The following CCDC141 variants were observed in gnomAD, a reference collection of about 807,000 sequenced individuals.
CCDC141 encodes coiled-coil domain containing 141.
In CCDC141, 168 loss-of-function variants were observed where a neutral mutation model predicts 181.0. That is an observed-to-expected ratio of 0.93 (90% confidence interval 0.82 to 1.05). The LOEUF is 1.05. CCDC141 is among the 50% of genes least tolerant of loss of function. CCDC141 has a pLI of 0.00. For missense variants in CCDC141, 1,902 were observed against 1,788.5 expected, an observed-to-expected ratio of 1.06 and a Z score of -1.14; for synonymous variants, 666 against 642.3, an observed-to-expected ratio of 1.04 and a Z score of -0.56.
rs149294487 is a variant in CCDC141, at chr2:178,878,063, C to T, written c.1800G>A (p.Lys600=). 1.4e-5 allele frequency: 23 copies of T among 1,613,858 alleles called. No individual in the cohort carries two copies. Among genetic ancestry groups the T allele is most frequent in the Non-Finnish European group, 1.7e-5 (20 of 1,179,884 alleles). ...PQKEQDDAKA[K]HCSDSAEKQW... is the part of the protein sequence containing the mutation. The stretch of plus-strand genomic sequence containing the variant: ...GCTTCTCAGCCGAGTCAGAACAATG[C>T]TTGGCTTTAGCATCATCCTGCTCCT... The change falls in exon 12 of 24, where the codon AAG becomes AAA. Residue 600 remains lysine (K), a synonymous_variant. Transcript: ENST00000443758.
chr2:178,996,228 C>T (rs1296399272), intron 2 of CCDC141, among the ~76,000 whole-genome samples: 2 of 151,914 alleles, frequency 1.3e-5, no homozygotes, highest in African/African-American at 4.8e-5. Flanking sequence ...CAGGCATGCA[C>T]CACCATGCCT....
chr2:178,954,152 A>C (rs1160078460), intron 5 of CCDC141, among the ~76,000 whole-genome samples: 1 of 152,204 alleles, frequency 6.6e-6, no homozygotes, highest in Admixed American at 6.5e-5. Flanking sequence ...AGAGACCATG[A>C]ATAGCTTAGT....
chr2:179,019,731 T>C (rs1188531505), intron 2 of CCDC141, among the ~76,000 whole-genome samples: 2 of 152,074 alleles, frequency 1.3e-5, no homozygotes, highest in South Asian at 4.2e-4. Context: ...TTTGCGGTGA[T>C]GGTAAGATCA....
intron 2 of CCDC141, among the ~76,000 whole-genome samples, chr2:178,996,000 A>G (rs1291828089): frequency 2.0e-5 from 3 of 152,176 alleles, no homozygotes; most frequent in African/African-American, 7.2e-5. Flanking sequence ...AAAACATTAT[A>G]TTAAAAGTTT....
In CCDC141 at chr2:178,872,259, G is replaced by A. The variant is rs770713824; in HGVS notation, c.1953C>T (p.Asn651=). Reference sequence around the variant, plus strand: ...GTTCTGCTTTCTGGTTTTCCATGGTGTTCTTCATGAGGTACACTTCATTTT... The same window carrying A: ...GTTCTGCTTTCTGGTTTTCCATGGTATTCTTCATGAGGTACACTTCATTTT... ...DVKNEVYLMK[N]TMENQKAERE... Residue 651 remains asparagine, a synonymous_variant, in exon 13 of 24, where the codon AAC becomes AAT. Transcript: ENST00000443758. 2 of 1,613,988 alleles carry A rather than the reference G, an allele frequency of 1.2e-6. No homozygotes were observed.
At chr2:178,961,072 A>G (rs1352893216) in intron 5 of CCDC141, among the ~76,000 whole-genome samples, 158 bp downstream of exon 5, 1 of 151,094 alleles carries the variant, frequency 6.6e-6, no homozygotes, top group East Asian at 1.9e-4. Context: ...TATGTTACTT[A>G]CAGGGAAAAA....
At chr2:178,880,984 G>C (rs1417850277) in intron 11 of CCDC141, among the ~76,000 whole-genome samples, 1 of 152,196 alleles carries the variant, frequency 6.6e-6, no homozygotes, top group African/African-American at 2.4e-5. Context: ...GCTCATGACA[G>C]TTGGGGCTGA....
At chr2:178,856,005 GAGAAGAATGGA>G (rs1685369553) in intron 18 of CCDC141, among the ~76,000 whole-genome samples, 1 of 152,192 alleles carries the variant, frequency 6.6e-6, no homozygotes, top group Non-Finnish European at 1.5e-5. Context: ...ATGTGTTGGG[GAGAAGAATGGA>G]AGTAGACAGG....
chr2:178,986,177 A>C (rs1456303222), intron 2 of CCDC141, among the ~76,000 whole-genome samples: 2 of 152,232 alleles, frequency 1.3e-5, no homozygotes, highest in Admixed American at 6.5e-5. Context: ...CAAATCAATA[A>C]ATGTCATCCA....
intron 11 of CCDC141, among the ~76,000 whole-genome samples, chr2:178,881,907 TCTCTCTCTCACACACA>T (rs1686630382): frequency 1.9e-5 from 2 of 106,116 alleles, no homozygotes; most frequent in Admixed American, 1.0e-4. Flanking sequence ...TCTCTCTCTC[TCTCTCTCTCACACACA>T]CACACACACA....
chr2:178,837,474 A>G lies in CCDC141; in HGVS notation c.3745T>C (p.Tyr1249His). Residue 1249 changes from tyrosine to histidine, a missense_variant, in exon 23 of 24, where the codon TAT becomes CAT. Physicochemically the swap from Tyr to His is moderately conservative, Grantham distance 83 (BLOSUM62 2). Coordinates refer to ENST00000443758, the MANE Select transcript of CCDC141 (RefSeq NM_173648.4). ...SSSLSLHISSYGVQAGTSSPG... is the reference protein window; with the variant it reads ...SSSLSLHISSHGVQAGTSSPG... ...CTGCTGGTCCCAGCCTGCACCCCAT[A>G]GCTGCTTATGTGAAGGCTGAGGGAG... is the stretch of plus-strand genomic sequence containing the variant. The G allele has an allele frequency of 6.2e-7, 1 of 1,614,046 alleles. No homozygotes were observed. Among genetic ancestry groups the G allele is most frequent in the Non-Finnish European group, 8.5e-7 (1 of 1,179,966 alleles).
chr2:178,900,480 G>C (rs944736426), intron 8 of CCDC141, among the ~76,000 whole-genome samples: 1 of 152,038 alleles, frequency 6.6e-6, no homozygotes, highest in Non-Finnish European at 1.5e-5. Flanking sequence ...ATGAAATGAA[G>C]ATGTCCATTT....
At chr2:178,872,077 T>C (rs1372274086) in intron 13 of CCDC141, 56 bp downstream of exon 13, 15 of 1,558,066 alleles carry the variant, frequency 9.6e-6, no homozygotes, top group African/African-American at 1.4e-5. Flanking sequence ...GGTTCGCTCA[T>C]GTTAGCCTGT....
chr2:178,979,271 A>C (rs1198945768), intron 2 of CCDC141, among the ~76,000 whole-genome samples: 1 of 152,220 alleles, frequency 6.6e-6, no homozygotes, highest in African/African-American at 2.4e-5. Flanking sequence ...AGGAGGATTC[A>C]ATAAGATCCA....
intron 6 of CCDC141, among the ~76,000 whole-genome samples, chr2:178,919,510 C>T (rs1381144838): frequency 6.6e-6 from 1 of 152,148 alleles, no homozygotes; most frequent in Non-Finnish European, 1.5e-5. Context: ...ACCAGCTGAC[C>T]TGAATACAGG....
chr2:179,048,165 C>T (rs961505056), intron 1 of CCDC141, among the ~76,000 whole-genome samples: 2 of 152,160 alleles, frequency 1.3e-5, no homozygotes, highest in Non-Finnish European at 2.9e-5. Flanking sequence ...ACCACTAACA[C>T]GCATACGCAT....
At chr2:178,872,418 G>A in intron 12 of CCDC141, 106 bp from the exon 13 acceptor site, 1 of 995,378 alleles carries the variant, frequency 1.0e-6, no homozygotes, top group Non-Finnish European at 1.5e-6. Flanking sequence ...AACCAAAGCC[G>A]AAGATGGTTC....
At chr2:178,991,052 C>G (rs376783450) in intron 2 of CCDC141, among the ~76,000 whole-genome samples, 1 of 152,102 alleles carries the variant, frequency 6.6e-6, no homozygotes, top group Non-Finnish European at 1.5e-5. Flanking sequence ...AACCTGAAAC[C>G]AGTTTTAGCT....
At position 178,939,489 on chromosome 2, in the gene CCDC141, C is replaced by T. The variant is rs1300427743; in HGVS notation, c.897+5046G>A. ...TCTCCTTACCTCCCTGGTCATTGCTCACTTTCTACCTTTTTTGGATAGAAA... is the reference window on the plus strand; with the variant it reads ...TCTCCTTACCTCCCTGGTCATTGCTTACTTTCTACCTTTTTTGGATAGAAA... On this transcript the variant is annotated intron_variant, in intron 6 of 23. Transcript: ENST00000443758. 2.0e-5 allele frequency among the ~76,000 whole-genome samples: 3 copies of T among 152,206 alleles called. No individual in the cohort carries two copies. In the East Asian group the frequency reaches 5.8e-4, roughly 29 times the overall value.
Sources: gnomAD v4.1 joint callset for allele counts (sites outside exome capture counted in the v4.1 genomes callset) on GRCh38, gnomAD v4.1.1 for gene constraint, MANE v1.5 for transcripts, NCBI Gene and HGNC (gene_info 2026-07-23, HGNC 2026-07-21) for gene names.